Variants in NAV2 observed in about 807,000 individuals in gnomAD.
NAV2 encodes neuron navigator 2.
NAV2 carries 54 observed loss-of-function variants against 223.2 expected under a neutral mutation model. That is an observed-to-expected ratio of 0.24 (90% CI 0.19 to 0.30). NAV2 has a LOEUF of 0.30. Among genes scored for constraint, NAV2 ranks in the 10% least tolerant of loss-of-function variants. NAV2 has a pLI of 1.00. For missense variants in NAV2, 2,806 were observed against 3,147.5 expected, an observed-to-expected ratio of 0.89 and a Z score of 2.60; for synonymous variants, 1,279 against 1,239.3, an observed-to-expected ratio of 1.03 and a Z score of -0.67.
chr11:19,591,869 C>T (rs942351436), intron 1 of NAV2, among the ~76,000 whole-genome samples: 1 of 152,232 alleles, frequency 6.6e-6, no homozygotes, highest in African/African-American at 2.4e-5. Flanking sequence ...ATACAGATGG[C>T]TGGCTGCTTG....
At chr11:19,885,183 G>A (rs2063454621) in intron 5 of NAV2, among the ~76,000 whole-genome samples, 1 of 152,174 alleles carries the variant, frequency 6.6e-6, no homozygotes, top group Non-Finnish European at 1.5e-5. Context: ...TCATGAGGTA[G>A]GTCATATTAT....
chr11:20,034,210 G>A (rs2056096271), intron 11 of NAV2, among the ~76,000 whole-genome samples: 1 of 147,636 alleles, frequency 6.8e-6, no homozygotes, highest in South Asian at 2.2e-4. Context: ...TTTTTTCTAA[G>A]CCTCACTTTC....
At chr11:19,626,051 TG>T (rs143835386) in intron 1 of NAV2, among the ~76,000 whole-genome samples, 235 of 152,328 alleles carry the variant, frequency 1.5e-3, no homozygotes, top group African/African-American at 5.3e-3. Flanking sequence ...ATCCCATATT[TG>T]TTTATTTTTG....
At chr11:19,478,541 T>A (rs2042187058) in intron 1 of NAV2, among the ~76,000 whole-genome samples, 1 of 152,192 alleles carries the variant, frequency 6.6e-6, no homozygotes, top group Admixed American at 6.5e-5. Flanking sequence ...AATTAATTCA[T>A]CAAATATTGT....
upstream of NAV2, among the ~76,000 whole-genome samples, chr11:19,346,729 C>G (rs1317843387): frequency 6.6e-6 from 1 of 152,202 alleles, no homozygotes; most frequent in Non-Finnish European, 1.5e-5. Context: ...GCAGAAGTGG[C>G]CGGCTCACGG....
At chr11:19,499,846 T>A (rs1388891262) in intron 1 of NAV2, among the ~76,000 whole-genome samples, 2 of 152,234 alleles carry the variant, frequency 1.3e-5, no homozygotes, top group African/African-American at 2.4e-5. Flanking sequence ...GGGTAGATTA[T>A]GTTTATCTCC....
At chr11:19,954,911 A>G (rs191685745) in intron 10 of NAV2, among the ~76,000 whole-genome samples, 9,754 of 32,952 alleles carry the variant, frequency 0.3, 1,060 homozygotes, top group African/African-American at 0.48. Context: ...ATATGTGTAT[A>G]TATGTGTGTG....
intron 1 of NAV2, among the ~76,000 whole-genome samples, chr11:19,528,560 C>G (rs1345496982): frequency 6.6e-6 from 1 of 152,182 alleles, no homozygotes; most frequent in Non-Finnish European, 1.5e-5. Context: ...TGCCAGCTCC[C>G]TTCCAAAATG....
At chr11:19,650,120 G>A (rs1191035961) in intron 1 of NAV2, among the ~76,000 whole-genome samples, 2 of 152,206 alleles carry the variant, frequency 1.3e-5, no homozygotes, top group African/African-American at 4.8e-5. Context: ...TGGCACCTGT[G>A]AATGTGACCT....
At chr11:19,446,899 G>A (rs574162692) in intron 1 of NAV2, among the ~76,000 whole-genome samples, 6 of 152,324 alleles carry the variant, frequency 3.9e-5, no homozygotes, top group Middle Eastern at 3.4e-3. Flanking sequence ...GGAGCCAAGC[G>A]TCAGCCTGGT....
At chr11:19,735,673 A>T (rs1217431748) in intron 1 of NAV2, among the ~76,000 whole-genome samples, 1 of 152,208 alleles carries the variant, frequency 6.6e-6, no homozygotes, top group Non-Finnish European at 1.5e-5. Flanking sequence ...CTCCTGCATG[A>T]TGCATGAAAT....
At chr11:20,038,477 A>G (rs2056608349) in intron 12 of NAV2, among the ~76,000 whole-genome samples, 1 of 152,256 alleles carries the variant, frequency 6.6e-6, no homozygotes, top group Non-Finnish European at 1.5e-5. Context: ...ATTTTTAGTG[A>G]CATTCCTTTT....
intron 1 of NAV2, among the ~76,000 whole-genome samples, chr11:19,661,698 A>G (rs79228313): frequency 0.011 from 1,651 of 152,326 alleles, 28 homozygotes; most frequent in African/African-American, 0.038. Context: ...ATGATACTAA[A>G]TAAGAGAACA....
At chr11:19,441,601 TC>T (rs1383090965) in intron 1 of NAV2, among the ~76,000 whole-genome samples, 2 of 152,310 alleles carry the variant, frequency 1.3e-5, no homozygotes, top group East Asian at 3.9e-4. Flanking sequence ...ACCCACTCCT[TC>T]ATTCTGTCTT....
At chr11:19,441,429 G>GAC (rs756829104) in intron 1 of NAV2, among the ~76,000 whole-genome samples, 1,769 of 141,388 alleles carry the variant, frequency 0.013, 22 homozygotes, top group South Asian at 0.031. Context: ...AGGACACTGG[G>GAC]ACACACACAC....
At chr11:19,439,595 C>A (rs1851328889) in intron 1 of NAV2, among the ~76,000 whole-genome samples, 1 of 152,202 alleles carries the variant, frequency 6.6e-6, no homozygotes, top group Non-Finnish European at 1.5e-5. Context: ...GATGGGATAA[C>A]CTATGTAATA....
intron 24 of NAV2, among the ~76,000 whole-genome samples, chr11:20,079,125 C>T (rs2059936449): frequency 6.6e-6 from 1 of 152,342 alleles, no homozygotes; most frequent in African/African-American, 2.4e-5. Context: ...ACTGTAACCT[C>T]TGCCTCCTGC....
intron 3 of NAV2, among the ~76,000 whole-genome samples, chr11:19,865,558 G>A (rs1043091618): frequency 3.3e-5 from 5 of 152,240 alleles, no homozygotes; most frequent in South Asian, 2.1e-4. Flanking sequence ...GCCTTGTCAG[G>A]AGTGATTTTT....
At chr11:20,076,632 C>T (rs764117110) in intron 22 of NAV2, among the ~76,000 whole-genome samples, 7 of 152,302 alleles carry the variant, frequency 4.6e-5, no homozygotes, top group Non-Finnish European at 7.4e-5. Flanking sequence ...ACTAATATAT[C>T]ACCTACTACT....
Sources: allele counts gnomAD v4.1 joint callset (sites outside exome capture counted in the v4.1 genomes callset), GRCh38; gene constraint gnomAD v4.1.1; transcripts MANE v1.5; gene names NCBI Gene and HGNC (gene_info 2026-07-23, HGNC 2026-07-21).